TMPRSS15: variants seen among roughly 807,000 people sequenced by gnomAD.
TMPRSS15 encodes the protein transmembrane serine protease 15.
A neutral mutation model predicts 125.3 loss-of-function variants in TMPRSS15; 128 were observed. That is an observed-to-expected ratio of 1.02 (90% confidence interval 0.89 to 1.18). TMPRSS15 has a LOEUF of 1.18. TMPRSS15 is among the 50% of genes most tolerant of loss of function. The pLI is 0.00. For synonymous variants in TMPRSS15, 446 were observed against 423.2 expected (o/e 1.05, Z -0.66); for missense variants, 1,283 against 1,212.7 (o/e 1.06, Z -0.86).
Position 18,279,069 on chromosome 21 carries a change from C to T in TMPRSS15, c.2669-10G>A, listed in dbSNP as rs1401866538. ...ATAGGTTGTATGTAATCTGGAAAAA[C>T]AAGCAAACAGCAAAACGAACAAACG... On this transcript the variant is annotated splice_polypyrimidine_tract_variant and intron_variant, in intron 22 of 24. Transcript: ENST00000284885. 1.4e-6 allele frequency: 2 copies of T among 1,385,196 alleles called. No homozygotes were observed. Among genetic ancestry groups the T allele is most frequent in the South Asian group, 2.4e-5 (2 of 84,912 alleles). 85.8% of individuals were successfully genotyped at this position (1,385,196 alleles called of 1,614,324 possible). A position where few individuals can be genotyped will look rare whatever the true frequency, so the allele number is the denominator to read the frequency against.
chr21:18,296,310 C>T (rs2074907289), intron 19 of TMPRSS15, among the ~76,000 whole-genome samples: 1 of 152,146 alleles, frequency 6.6e-6, no homozygotes, highest in Non-Finnish European at 1.5e-5. Context: ...GGGATACAAA[C>T]ATAATCATCT....
intron 5 of TMPRSS15, among the ~76,000 whole-genome samples, chr21:18,376,105 G>T (rs2075838976): frequency 6.6e-6 from 1 of 152,050 alleles, no homozygotes; most frequent in South Asian, 2.1e-4. Flanking sequence ...ATCCATGAAT[G>T]TTTGCCTTTA....
At chr21:18,399,890 T>C (rs1164055626) in intron 1 of TMPRSS15, among the ~76,000 whole-genome samples, 2 of 152,104 alleles carry the variant, frequency 1.3e-5, no homozygotes, top group Non-Finnish European at 2.9e-5. Context: ...AGTTTCAGGA[T>C]ACAAAATAAA....
At chr21:18,465,582 T>C (rs1978643106) in intron 1 of TMPRSS15, among the ~76,000 whole-genome samples, 2 of 152,184 alleles carry the variant, frequency 1.3e-5, no homozygotes, top group Admixed American at 1.3e-4. Context: ...ACAAAATCTA[T>C]GTGCAAAAAT....
At chr21:18,406,444 A>G (rs2076152126), upstream of TMPRSS15, among the ~76,000 whole-genome samples, 1 of 152,122 alleles carries the variant, frequency 6.6e-6, no homozygotes, top group Non-Finnish European at 1.5e-5. Flanking sequence ...ATGGCTTACA[A>G]ATAAAAAACA....
At chr21:18,438,021 A>G (rs150635709) in intron 1 of TMPRSS15, among the ~76,000 whole-genome samples, 133,150 of 150,846 alleles carry the variant, frequency 0.88, 59,204 homozygotes, top group East Asian at 0.99. Flanking sequence ...AAAGACACAT[A>G]CACACGTATG....
intron 18 of TMPRSS15, among the ~76,000 whole-genome samples, chr21:18,302,259 C>T (rs1601300048): frequency 6.6e-6 from 1 of 152,010 alleles, no homozygotes; most frequent in Admixed American, 6.6e-5. Flanking sequence ...TGGAGAAGGA[C>T]GGTTGTTTCT....
At chr21:18,470,328 A>G (rs900004921) in intron 1 of TMPRSS15, among the ~76,000 whole-genome samples, 7 of 152,052 alleles carry the variant, frequency 4.6e-5, no homozygotes, top group African/African-American at 1.7e-4. Flanking sequence ...AACAAAAAAA[A>G]AAGTATGCTT....
At chr21:18,376,565 C>T (rs1442488069) in intron 5 of TMPRSS15, among the ~76,000 whole-genome samples, 1 of 152,096 alleles carries the variant, frequency 6.6e-6, no homozygotes, top group Non-Finnish European at 1.5e-5. Flanking sequence ...AGCAAGATTA[C>T]ATTTTTTATG....
intron 10 of TMPRSS15, among the ~76,000 whole-genome samples, chr21:18,344,595 T>C (rs1424306633): frequency 6.6e-6 from 1 of 152,244 alleles, no homozygotes; most frequent in African/African-American, 2.4e-5. Context: ...CTATGAACGA[T>C]AAGTAATCAG....
intron 1 of TMPRSS15, among the ~76,000 whole-genome samples, chr21:18,464,615 G>A (rs1978621167): frequency 6.6e-6 from 1 of 152,122 alleles, no homozygotes; most frequent in Non-Finnish European, 1.5e-5. Flanking sequence ...ACTACCATCA[G>A]AGAATAGTAT....
intron 1 of TMPRSS15, among the ~76,000 whole-genome samples, chr21:18,455,719 A>G (rs938044809): frequency 6.6e-6 from 1 of 152,182 alleles, no homozygotes; most frequent in Non-Finnish European, 1.5e-5. Flanking sequence ...ATCTAGTTTT[A>G]GGTTAGCTAT....
chr21:18,361,430 T>A (rs770056360), intron 7 of TMPRSS15, among the ~76,000 whole-genome samples: 1 of 152,126 alleles, frequency 6.6e-6, no homozygotes, highest in African/African-American at 2.4e-5. Context: ...AAAAGGCTAG[T>A]AATACTTAAG....
At chr21:18,393,782 T>TAACC (rs1420197875) in intron 3 of TMPRSS15, among the ~76,000 whole-genome samples, 1 of 152,140 alleles carries the variant, frequency 6.6e-6, no homozygotes, top group Non-Finnish European at 1.5e-5. Flanking sequence ...ATTAGTCACT[T>TAACC]AACCCAAAGG....
At chr21:18,323,207 G>A (rs1347903546) in intron 16 of TMPRSS15, among the ~76,000 whole-genome samples, 5 of 152,208 alleles carry the variant, frequency 3.3e-5, no homozygotes, top group Admixed American at 3.3e-4. Flanking sequence ...TTTGCAGATG[G>A]TGGAATGCCA....
chr21:18,359,047 C>T (rs2075653401), intron 8 of TMPRSS15, among the ~76,000 whole-genome samples: 2 of 152,090 alleles, frequency 1.3e-5, no homozygotes, highest in South Asian at 2.1e-4. Context: ...CCCTTGGCTT[C>T]GTTTCCACAT....
chr21:18,314,529 C>T lies in TMPRSS15; in HGVS notation c.2032+617G>A, dbSNP rs142113813. Among the ~76,000 whole-genome samples the T allele has an allele frequency of 3.1e-3, 472 of 152,226 alleles. 6 individuals carry two copies. Among genetic ancestry groups the T allele is most frequent in the African/African-American group, 0.01 (421 of 41,540 alleles). The stretch of plus-strand genomic sequence containing the variant: ...CTGACCTCAGATGATCTGCCCACCT[C>T]GGCCTCCCAAAGTGCTGGGATTATA... On this transcript the variant is annotated intron_variant, in intron 17 of 24. Coordinates refer to ENST00000284885, the MANE Select transcript of TMPRSS15 (RefSeq NM_002772.3).
chr21:18,444,452 G>A (rs1223574462), intron 1 of TMPRSS15, among the ~76,000 whole-genome samples: 2 of 152,048 alleles, frequency 1.3e-5, no homozygotes, highest in Non-Finnish European at 2.9e-5. Flanking sequence ...ATGGACACAG[G>A]GAGGGGAACA....
At chr21:18,466,932 T>C (rs1298808523) in intron 1 of TMPRSS15, among the ~76,000 whole-genome samples, 1 of 152,178 alleles carries the variant, frequency 6.6e-6, no homozygotes, top group Non-Finnish European at 1.5e-5. Context: ...GGATTATAAA[T>C]CATTCTACTA....
Sources: gnomAD v4.1 joint callset for allele counts (sites outside exome capture counted in the v4.1 genomes callset) on GRCh38, gnomAD v4.1.1 for gene constraint, MANE v1.5 for transcripts, NCBI Gene and HGNC (gene_info 2026-07-23, HGNC 2026-07-21) for gene names.